ZNF273: variants seen among roughly 807,000 people sequenced by gnomAD.
The protein encoded by ZNF273 is zinc finger protein 273.
ZNF273 carries 11 observed loss-of-function variants against 14.9 expected under a neutral mutation model. The ratio of observed to expected loss-of-function variants is 0.74; its 90% confidence interval spans 0.46 to 1.22. ZNF273 has a LOEUF of 1.22. ZNF273 is among the 50% of genes most tolerant of loss of function. The pLI, the probability that ZNF273 is intolerant of heterozygous loss-of-function variation, is 0.00. For missense variants in ZNF273, 577 were observed against 660.6 expected, an observed-to-expected ratio of 0.87 and a Z score of 1.39; for synonymous variants, 199 against 223.9, an observed-to-expected ratio of 0.89 and a Z score of 0.99.
chr7:64,899,586 C>A, upstream of ZNF273, among the ~76,000 whole-genome samples: 1 of 147,442 alleles, frequency 6.8e-6, no homozygotes, highest in East Asian at 2.1e-4. Flanking sequence ...AACTGGGAGA[C>A]AAATGTTGAA....
At position 64,928,117 on chromosome 7, in the gene ZNF273, A is replaced by G; in HGVS notation, c.789A>G (p.Lys263=). The part of the protein sequence containing the change: ...KIIHPEVNPY[K]CEECGKAFNQ... The stretch of plus-strand genomic sequence containing the variant: ...TTCATCCTGAAGTGAATCCCTACAA[A>G]TGTGAAGAATGTGGCAAAGCCTTTA... The change falls in exon 4 of 4, where the codon AAA becomes AAG. Residue 263 remains lysine, a synonymous_variant. Coordinates refer to ENST00000476120, the MANE Select transcript of ZNF273 (RefSeq NM_021148.3). The G allele has an allele frequency of 6.2e-7, 1 of 1,613,506 alleles. No individual in the cohort carries two copies. The highest frequency in any genetic ancestry group is 1.1e-5 in the South Asian group (1 of 91,024).
intron 2 of ZNF273, 42 bp downstream of exon 2, chr7:64,917,749 C>T (rs1478657018): frequency 6.6e-7 from 1 of 1,516,840 alleles, no homozygotes; most frequent in South Asian, 1.2e-5. Context: ...TTTCACTTCT[C>T]CTTTCTGTAG....
chr7:64,905,069 C>T (rs1349894394), intron 1 of ZNF273, among the ~76,000 whole-genome samples: 1 of 149,224 alleles, frequency 6.7e-6, no homozygotes, highest in Non-Finnish European at 1.5e-5. Flanking sequence ...CTTAAAAGAG[C>T]AGGTGGATGT....
downstream of ZNF273, among the ~76,000 whole-genome samples, chr7:64,891,094 A>C (rs148396014): frequency 1.6e-4 from 25 of 152,284 alleles, no homozygotes; most frequent in African/African-American, 5.3e-4. Context: ...CAGGTGGGTG[A>C]GGTTGCAGCC....
downstream of ZNF273, among the ~76,000 whole-genome samples, chr7:64,894,049 G>A (rs1583968784): frequency 6.6e-6 from 1 of 152,242 alleles, no homozygotes; most frequent in Middle Eastern, 3.4e-3. Flanking sequence ...CTGTCGCCCA[G>A]GCTGGAGTGC....
chr7:64,902,019 T>C (rs1034309003), upstream of ZNF273, among the ~76,000 whole-genome samples: 1 of 149,592 alleles, frequency 6.7e-6, no homozygotes, highest in African/African-American at 2.4e-5. Context: ...AGGTCATGTA[T>C]AATATTATAC....
rs573834992 is a variant in ZNF273 at position 64,878,838 on chromosome 7, G to T, written n.330+343G>T. Among the ~76,000 whole-genome samples, 16 of 152,262 alleles carry T rather than the reference G, an allele frequency of 1.1e-4. No individual in the cohort carries two copies. The South Asian group carries it at 3.3e-3, about 32-fold the overall frequency. On this transcript the variant is annotated intron_variant and non_coding_transcript_variant, in intron 2 of 2. Coordinates refer to the ZNF273 transcript ENST00000465954. ...TTCTCCTGGGCCTAGGGTTTCCATG[G>T]TCTGGCTCAAAATCTTCCACAGTAA...
At position 64,927,725 on chromosome 7, in the gene ZNF273, C is replaced by T; in HGVS notation, c.397C>T (p.Leu133=). ...AAAAGATTCTTTTCAAAAAGTGATACTGAGAAGATATGGAAAATATGGACA... is the reference window on the plus strand; with the variant it reads ...AAAAGATTCTTTTCAAAAAGTGATATTGAGAAGATATGGAAAATATGGACA... The part of the protein sequence containing the change: ...GLKDSFQKVI[L]RRYGKYGHEN... Residue 133 remains leucine (L), a synonymous_variant, in exon 4 of 4, where the codon CTG becomes TTG. Coordinates refer to ENST00000476120, the MANE Select transcript of ZNF273 (RefSeq NM_021148.3). 2.5e-6 allele frequency: 4 copies of T among 1,612,220 alleles called. No homozygotes were observed. The highest frequency in any genetic ancestry group is 3.4e-6 in the Non-Finnish European group (4 of 1,179,494).
intron 3 of ZNF273, 40 bp from the exon 4 acceptor site, chr7:64,927,614 G>C: frequency 1.3e-6 from 2 of 1,488,424 alleles, no homozygotes; most frequent in Non-Finnish European, 1.8e-6. Context: ...ATTCATCTGA[G>C]TCTAGTAAGT....
Position 64,928,635 on chromosome 7 carries a change from G to A in ZNF273, c.1307G>A (p.Gly436Glu). Reference protein sequence around the residue: ...KEKPYKCEECGKAFSVFSTLT... With the variant: ...KEKPYKCEECEKAFSVFSTLT... ...AAACCATACAAATGTGAAGAATGTG[G>A]AAAAGCCTTTAGTGTATTCTCAACC... The change falls in exon 4 of 4, where the codon GGA becomes GAA. Residue 436 changes from glycine to glutamate, a missense_variant. Gly to Glu is a moderately conservative substitution (Grantham distance 98). Coordinates refer to ENST00000476120, the MANE Select transcript of ZNF273 (RefSeq NM_021148.3). 6.2e-7 allele frequency: 1 copy of A among 1,613,308 alleles called. No homozygotes were observed. The highest frequency in any genetic ancestry group is 8.5e-7 in the Non-Finnish European group (1 of 1,179,698).
intron 1 of ZNF273, among the ~76,000 whole-genome samples, chr7:64,887,969 G>A (rs1420399235): frequency 6.6e-6 from 1 of 152,046 alleles, no homozygotes; most frequent in Non-Finnish European, 1.5e-5. Context: ...CCCTACCTGC[G>A]CTGGAGGGCA....
At chr7:64,925,091 C>A (rs12533393) in intron 3 of ZNF273, among the ~76,000 whole-genome samples, 2 of 152,114 alleles carry the variant, frequency 1.3e-5, no homozygotes, top group Non-Finnish European at 2.9e-5. Context: ...CATGAGCCAC[C>A]GTGCCTGGCC....
chr7:64,900,435 G>A (rs765008575), upstream of ZNF273, among the ~76,000 whole-genome samples: 33 of 152,268 alleles, frequency 2.2e-4, no homozygotes, highest in Middle Eastern at 0.014. Context: ...GGCAGATAGC[G>A]AGGGTAAAAG....
In ZNF273 at chr7:64,908,070, A is replaced by G. The variant is rs73133785; in HGVS notation, c.102+4651A>G. ...AAAGTGTCTACATGTCTCTGGGGAT[A>G]TCCCCACCCCCAGACACTGAATCTG... is the stretch of plus-strand genomic sequence containing the variant. On this transcript the variant is annotated intron_variant, in intron 1 of 3. Transcript: ENST00000476120. 5.5e-3 allele frequency among the ~76,000 whole-genome samples: 831 copies of G among 152,304 alleles called. 4 individuals are homozygous for G. The highest frequency in any genetic ancestry group is 0.017 in the Middle Eastern group (5 of 294).
chr7:64,917,206 T>C (rs1583998434), intron 1 of ZNF273: 1 of 810,802 alleles, frequency 1.2e-6, no homozygotes, highest in Non-Finnish European at 1.7e-6. Flanking sequence ...AGTTTATTAC[T>C]GTACACATTA....
At chr7:64,931,998 TTC>T (rs773639460), downstream of ZNF273, among the ~76,000 whole-genome samples, 1 of 152,198 alleles carries the variant, frequency 6.6e-6, no homozygotes, top group Non-Finnish European at 1.5e-5. Context: ...GCTCTTCTTT[TTC>T]TGTGTTATGG....
At chr7:64,916,573 C>T (rs1485117588) in intron 1 of ZNF273, among the ~76,000 whole-genome samples, 2 of 145,578 alleles carry the variant, frequency 1.4e-5, no homozygotes, top group African/African-American at 5.0e-5. Flanking sequence ...AAACCATACA[C>T]ACAAAATAAC....
rs777729257 is a variant in ZNF273, at chr7:64,928,969, T to G, written c.1641T>G (p.Cys547Trp). ...AGAAACCATACAAACCTAAAAGATG[T>G]GACAGTGCTTTTGACAACACCCCAA... ...TGEKPYKPKRCDSAFDNTPNF... is the reference protein window; with the variant it reads ...TGEKPYKPKRWDSAFDNTPNF... The change falls in exon 4 of 4, where the codon TGT (cysteine) becomes TGG (tryptophan). Residue 547 changes from cysteine to tryptophan, a missense_variant. Physicochemically the swap from Cys to Trp is radical, Grantham distance 215 (BLOSUM62 -2). Transcript: ENST00000476120. 43 of 1,601,120 alleles carry G rather than the reference T, an allele frequency of 2.7e-5. No individual in the cohort carries two copies. Among genetic ancestry groups the G allele is most frequent in the Non-Finnish European group, 3.0e-5 (35 of 1,174,774 alleles).
intron 3 of ZNF273, among the ~76,000 whole-genome samples, chr7:64,926,744 T>C (rs1216758230): frequency 6.6e-6 from 1 of 152,224 alleles, no homozygotes; most frequent in Admixed American, 6.5e-5. Flanking sequence ...TGAAACCAAC[T>C]GTCTTGGCTA....
Sources: gnomAD v4.1 joint callset for allele counts (sites outside exome capture counted in the v4.1 genomes callset) on GRCh38, gnomAD v4.1.1 for gene constraint, MANE v1.5 for transcripts, NCBI Gene and HGNC (gene_info 2026-07-23, HGNC 2026-07-21) for gene names.